The following PDE4D variants were observed in gnomAD, a reference collection of about 807,000 sequenced individuals.
The protein encoded by PDE4D is phosphodiesterase 4D.
PDE4D carries 24 observed loss-of-function variants against 87.4 expected under a neutral mutation model. The observed-to-expected ratio is 0.27, with a 90% CI of 0.20 to 0.39. PDE4D has a LOEUF of 0.39. Ranked by LOEUF, PDE4D falls within the 10% of genes least tolerant of loss-of-function variation. The probability of loss-of-function intolerance (pLI) is 1.00; values close to 1 mark genes in which losing one functional copy is unlikely to be tolerated. For missense variants in PDE4D, 714 were observed against 1,041.0 expected, an observed-to-expected ratio of 0.69 and a Z score of 4.32; for synonymous variants, 384 against 383.2, an observed-to-expected ratio of 1.00 and a Z score of -0.02.
intron 2 of PDE4D, among the ~76,000 whole-genome samples, chr5:60,143,960 A>T (rs543337990): frequency 2.6e-5 from 4 of 152,152 alleles, no homozygotes; most frequent in Non-Finnish European, 2.9e-5. Context: ...CTTCTGAAAC[A>T]CTTTGCTTAT....
intron 1 of PDE4D, among the ~76,000 whole-genome samples, chr5:59,686,296 G>C (rs1054824042): frequency 2.6e-5 from 4 of 152,124 alleles, no homozygotes; most frequent in African/African-American, 9.7e-5. Context: ...TTACTCTTTA[G>C]ATAGTGGACA....
chr5:59,144,414 AATGGT>A (rs1458630091), intron 5 of PDE4D, among the ~76,000 whole-genome samples: 2 of 152,196 alleles, frequency 1.3e-5, no homozygotes, highest in Non-Finnish European at 2.9e-5. Flanking sequence ...AAAAGCTGTA[AATGGT>A]ATGTTCAGAG....
At chr5:59,517,028 G>C (rs1811288871) in intron 1 of PDE4D, among the ~76,000 whole-genome samples, 1 of 152,012 alleles carries the variant, frequency 6.6e-6, no homozygotes, top group Admixed American at 6.6e-5. Context: ...TAAAATTATT[G>C]CCTGTGGATT....
intron 1 of PDE4D, among the ~76,000 whole-genome samples, chr5:59,613,405 A>G (rs1274911265): frequency 6.6e-6 from 1 of 152,212 alleles, no homozygotes; most frequent in Non-Finnish European, 1.5e-5. Context: ...GAAAGTCTGT[A>G]TCAGGTGAGA....
chr5:60,177,462 A>G (rs1379592782), intron 2 of PDE4D, among the ~76,000 whole-genome samples: 1 of 152,180 alleles, frequency 6.6e-6, no homozygotes, highest in African/African-American at 2.4e-5. Context: ...CTGAGGTCCC[A>G]GTAAAATGAG....
At chr5:59,896,655 C>A (rs559265195), upstream of PDE4D, among the ~76,000 whole-genome samples, 1 of 152,312 alleles carries the variant, frequency 6.6e-6, no homozygotes, top group South Asian at 2.1e-4. Flanking sequence ...AACTACTGAT[C>A]CAGACTTACT....
chr5:58,994,850 G>A (rs572476277), intron 6 of PDE4D, among the ~76,000 whole-genome samples: 28 of 151,844 alleles, frequency 1.8e-4, no homozygotes, highest in Non-Finnish European at 3.2e-4. Flanking sequence ...GCATGCCAGC[G>A]TAGTCAAAAA....
At chr5:59,414,971 T>A (rs7701455) in intron 1 of PDE4D, among the ~76,000 whole-genome samples, 5 of 152,044 alleles carry the variant, frequency 3.3e-5, no homozygotes, top group African/African-American at 1.2e-4. Context: ...GAGAGTATGA[T>A]AAAGATACCA....
chr5:60,309,885 TG>T (rs982900011), intron 1 of PDE4D, among the ~76,000 whole-genome samples: 4 of 152,232 alleles, frequency 2.6e-5, no homozygotes, highest in Non-Finnish European at 4.4e-5. Context: ...GTAAGACATG[TG>T]GACTAGTTAA....
At chr5:59,279,010 G>A (rs146149358) in intron 1 of PDE4D, among the ~76,000 whole-genome samples, 10 of 152,014 alleles carry the variant, frequency 6.6e-5, no homozygotes, top group African/African-American at 2.2e-4. Context: ...GAGGTGTTAC[G>A]GAGTAATTTT....
At chr5:58,988,068 C>T (rs1019577201) in intron 11 of PDE4D, among the ~76,000 whole-genome samples, 1 of 152,000 alleles carries the variant, frequency 6.6e-6, no homozygotes, top group African/African-American at 2.4e-5. Context: ...AAGGAAAGAA[C>T]AGGGGTTGGG....
intron 1 of PDE4D, among the ~76,000 whole-genome samples, chr5:59,533,461 G>T (rs905223687): frequency 1.4e-5 from 2 of 147,360 alleles, no homozygotes; most frequent in Non-Finnish European, 2.9e-5. Flanking sequence ...ACTAAAGGGT[G>T]GGGGGGTCAA....
At chr5:60,066,474 T>C (rs1772106790) in intron 2 of PDE4D, among the ~76,000 whole-genome samples, 1 of 152,112 alleles carries the variant, frequency 6.6e-6, no homozygotes, top group East Asian at 1.9e-4. Flanking sequence ...GGTACACTAT[T>C]GACCTAGAAA....
chr5:59,580,430 A>T (rs1375042874), intron 1 of PDE4D, among the ~76,000 whole-genome samples: 1 of 152,186 alleles, frequency 6.6e-6, no homozygotes, highest in African/African-American at 2.4e-5. Flanking sequence ...TAGTTATACA[A>T]GAGATTTTGG....
intron 2 of PDE4D, among the ~76,000 whole-genome samples, chr5:60,083,870 T>C (rs1031551400): frequency 3.9e-5 from 6 of 152,194 alleles, no homozygotes; most frequent in Admixed American, 2.0e-4. Flanking sequence ...TGGTCTGGCC[T>C]GGTGGGAGCC....
At chr5:60,477,472 T>C (rs1748417635) in intron 1 of PDE4D, among the ~76,000 whole-genome samples, 1 of 152,182 alleles carries the variant, frequency 6.6e-6, no homozygotes, top group African/African-American at 2.4e-5. Flanking sequence ...TTCTGTTTGT[T>C]TGGTTTGATT....
intron 3 of PDE4D, among the ~76,000 whole-genome samples, chr5:59,956,559 A>T (rs1758860795): frequency 6.6e-6 from 1 of 152,190 alleles, no homozygotes; most frequent in Non-Finnish European, 1.5e-5. Flanking sequence ...ACGCAACCAA[A>T]TGTTTCTATT....
chr5:60,370,835 G>C (rs1328280843), intron 1 of PDE4D, among the ~76,000 whole-genome samples: 2 of 152,038 alleles, frequency 1.3e-5, no homozygotes, highest in African/African-American at 2.4e-5. Context: ...AAATGAGAGA[G>C]AGAGAGGGAA....
At chr5:60,454,008 G>A (rs1374257439) in intron 1 of PDE4D, among the ~76,000 whole-genome samples, 1 of 152,164 alleles carries the variant, frequency 6.6e-6, no homozygotes, top group Non-Finnish European at 1.5e-5. Flanking sequence ...GGACTGGACT[G>A]ATAAATCAGG....
Sources: allele counts gnomAD v4.1 joint callset (sites outside exome capture counted in the v4.1 genomes callset), GRCh38; gene constraint gnomAD v4.1.1; transcripts MANE v1.5; gene names NCBI Gene and HGNC (gene_info 2026-07-23, HGNC 2026-07-21).